The following SIRPG variants were observed in gnomAD, a reference collection of about 807,000 sequenced individuals.
SIRPG encodes signal regulatory protein gamma.
SIRPG carries 38 observed loss-of-function variants against 35.7 expected under a neutral mutation model. The ratio of observed to expected loss-of-function variants is 1.06; its 90% CI spans 0.82 to 1.40. SIRPG has a LOEUF of 1.40. Among genes scored for constraint, SIRPG ranks in the 40% most tolerant of loss-of-function variants. SIRPG has a pLI of 0.00. For synonymous variants in SIRPG, 215 were observed against 190.4 expected, an observed-to-expected ratio of 1.13 and a Z score of -1.06; for missense variants, 519 against 483.0, an observed-to-expected ratio of 1.07 and a Z score of -0.70.
rs2091788564 is a variant in SIRPG, at chr20:1,635,333, C to T, written c.1015G>A (p.Val339Ile). Residue 339 changes from valine to isoleucine, a missense_variant, in exon 4 of 6, where the codon GTC becomes ATC. Coordinates refer to ENST00000303415, the MANE Select transcript of SIRPG (RefSeq NM_018556.4). ...CQVKHDGQLA[V>I]SKRLALEVTV... ...ACCTCTAGGGCAAGGCGTTTGCTGA[C>T]CGCCAGCTGCCCATCATGCTTCACC... 6 of 1,614,186 alleles carry T rather than the reference C, an allele frequency of 3.7e-6. No homozygotes were observed. The highest frequency in any genetic ancestry group is 1.6e-4 in the Middle Eastern group (1 of 6,062).
intron 2 of SIRPG, chr20:1,638,593 T>C (rs2091823498): frequency 6.6e-6 from 1 of 152,192 alleles, no homozygotes; most frequent in African/African-American, 2.4e-5. Context: ...CAGAGTCCTC[T>C]GTGACATCTT....
At chr20:1,674,835 C>A in the SIRPG span, among the ~76,000 whole-genome samples, 2 of 152,086 alleles carry the variant, frequency 1.3e-5, no homozygotes, top group South Asian at 4.1e-4. Context: ...CCTATCCCCT[C>A]TCCTAAAGGA....
upstream of SIRPG, among the ~76,000 whole-genome samples, chr20:1,658,421 G>A (rs1026112239): frequency 6.6e-6 from 1 of 152,162 alleles, no homozygotes; most frequent in Non-Finnish European, 1.5e-5. Context: ...ATGGAAAGGG[G>A]ATAGGGTTAT....
upstream of SIRPG, among the ~76,000 whole-genome samples, chr20:1,662,596 T>G (rs1258673276): frequency 6.6e-6 from 1 of 152,238 alleles, no homozygotes; most frequent in Non-Finnish European, 1.5e-5. Context: ...TACAGTATAC[T>G]AAATATTTGA....
chr20:1,670,657 GCTAT>G, the SIRPG span, among the ~76,000 whole-genome samples: 2 of 152,090 alleles, frequency 1.3e-5, no homozygotes, highest in Non-Finnish European at 2.9e-5. Flanking sequence ...AAGCTAGCAA[GCTAT>G]CTATCTATCT....
At chr20:1,671,164 G>A in the SIRPG span, 2 of 354,438 alleles carry the variant, frequency 5.6e-6, no homozygotes, top group Admixed American at 6.6e-5. Flanking sequence ...GGTCCTCACT[G>A]CAGTGCATGA....
chr20:1,685,539 T>A, the SIRPG span, among the ~76,000 whole-genome samples: 1 of 152,158 alleles, frequency 6.6e-6, no homozygotes. Flanking sequence ...AACACCTTGA[T>A]CTTGCATTCA....
chr20:1,639,988 C>A (rs1044066002), intron 2 of SIRPG, among the ~76,000 whole-genome samples: 2 of 152,110 alleles, frequency 1.3e-5, no homozygotes, highest in Non-Finnish European at 2.9e-5. Flanking sequence ...ATATGTCTGT[C>A]TTGGTACAAG....
chr20:1,632,887 T>C (rs2091762766), intron 4 of SIRPG, among the ~76,000 whole-genome samples: 1 of 150,754 alleles, frequency 6.6e-6, no homozygotes, highest in South Asian at 2.1e-4. Flanking sequence ...GAGACAGGAA[T>C]TAATAAAAAG....
chr20:1,660,764 A>T (rs1326024090), upstream of SIRPG, among the ~76,000 whole-genome samples: 1 of 152,196 alleles, frequency 6.6e-6, no homozygotes, highest in African/African-American at 2.4e-5. Flanking sequence ...ACCCTGACTC[A>T]TCACAGCAGG....
upstream of SIRPG, among the ~76,000 whole-genome samples, chr20:1,662,426 A>G (rs897948950): frequency 1.3e-5 from 2 of 152,214 alleles, no homozygotes; most frequent in Non-Finnish European, 2.9e-5. Flanking sequence ...CGGAAAGGAA[A>G]AGCAATCACT....
chr20:1,666,265 A>G, the SIRPG span: 2 of 152,282 alleles, frequency 1.3e-5, no homozygotes, highest in African/African-American at 4.8e-5. Flanking sequence ...TTAAAAAATT[A>G]AAAACCTCAT....
At chr20:1,635,192 A>AT in intron 4 of SIRPG, 75 bp downstream of exon 4, 1 of 1,226,066 alleles carries the variant, frequency 8.2e-7, no homozygotes, top group Non-Finnish European at 1.1e-6. Context: ...CTTCTAGCTT[A>AT]TTTTACAGCA....
At chr20:1,646,807 C>T (rs1047751069) in intron 2 of SIRPG, 1 of 152,262 alleles carries the variant, frequency 6.6e-6, no homozygotes, top group African/African-American at 2.4e-5. Flanking sequence ...GCCACCATGC[C>T]TGGCTACTTT....
At chr20:1,663,632 T>G in the SIRPG span, among the ~76,000 whole-genome samples, 12 of 152,182 alleles carry the variant, frequency 7.9e-5, no homozygotes, top group African/African-American at 2.9e-4. Context: ...TTTTGAAGAG[T>G]CAACTGTTAT....
Position 1,636,379 on chromosome 20 carries a change from C to G in SIRPG, c.557G>C (p.Gly186Ala). 1 of 1,614,202 alleles carries G rather than the reference C, an allele frequency of 6.2e-7. No homozygotes were observed. The highest frequency in any genetic ancestry group is 8.5e-7 in the Non-Finnish European group (1 of 1,180,036). Residue 186 changes from glycine to alanine, a missense_variant, in exon 3 of 6, where the codon GGG (glycine) becomes GCG (alanine). Gly to Ala is a moderately conservative substitution (Grantham distance 60). Transcript: ENST00000303415. ...RDITLKWFKNGNELSDFQTNV... is the reference protein window; with the variant it reads ...RDITLKWFKNANELSDFQTNV... ...GGTCTGGAAGTCTGAGAGCTCATTC[C>G]CATTTTTGAACCATTTCAGGGTGAT...
chr20:1,642,894 GC>G (rs1436156533), intron 2 of SIRPG, among the ~76,000 whole-genome samples: 1 of 151,992 alleles, frequency 6.6e-6, no homozygotes, highest in Non-Finnish European at 1.5e-5. Context: ...TTGAATATTG[GC>G]CCCCACTCTC....
At chr20:1,641,718 T>TG (rs1257480440) in intron 2 of SIRPG, among the ~76,000 whole-genome samples, 1 of 152,196 alleles carries the variant, frequency 6.6e-6, no homozygotes, top group Non-Finnish European at 1.5e-5. Flanking sequence ...AGCTTTCTGA[T>TG]GTGGGCATTT....
At chr20:1,661,910 GC>G (rs962371073), upstream of SIRPG, among the ~76,000 whole-genome samples, 1 of 152,184 alleles carries the variant, frequency 6.6e-6, no homozygotes, top group Non-Finnish European at 1.5e-5. Context: ...CTCATTGACA[GC>G]CCAGACCAAG....
Sources: gnomAD v4.1 joint callset for allele counts (sites outside exome capture counted in the v4.1 genomes callset) on GRCh38, gnomAD v4.1.1 for gene constraint, MANE v1.5 for transcripts, NCBI Gene and HGNC (gene_info 2026-07-23, HGNC 2026-07-21) for gene names.